Variants in GON4L observed in about 807,000 individuals in gnomAD.
GON4L encodes the protein gon-4 like.
A neutral mutation model predicts 211.8 loss-of-function variants in GON4L; 87 were observed. That is an observed-to-expected ratio of 0.41 (90% CI 0.35 to 0.49). The LOEUF (loss-of-function observed/expected upper bound fraction) is 0.49. Among genes scored for constraint, GON4L ranks in the 20% least tolerant of loss-of-function variants. GON4L has a pLI of 0.15. For synonymous variants in GON4L, 875 were observed against 962.6 expected, an observed-to-expected ratio of 0.91 and a Z score of 1.68; for missense variants, 2,155 against 2,659.5, an observed-to-expected ratio of 0.81 and a Z score of 4.17.
intron 19 of GON4L, among the ~76,000 whole-genome samples, chr1:155,770,780 C>T (rs1292187280): frequency 6.6e-6 from 1 of 152,130 alleles, no homozygotes; most frequent in Non-Finnish European, 1.5e-5. Context: ...AGGAGAATCG[C>T]TTGAACCTGG....
chr1:155,821,406 C>T (rs1571860094), intron 5 of GON4L, 68 bp downstream of exon 5: 1 of 967,450 alleles, frequency 1.0e-6, no homozygotes, highest in Non-Finnish European at 1.7e-6. Flanking sequence ...TAAGTGACCT[C>T]CTACCCTTAG....
At chr1:155,851,269 G>A (rs1054105453) in intron 2 of GON4L, among the ~76,000 whole-genome samples, 2 of 149,644 alleles carry the variant, frequency 1.3e-5, no homozygotes, top group African/African-American at 4.9e-5. Context: ...CAGGAGAATG[G>A]CATGAACCCA....
rs774328150 is a variant in GON4L, at chr1:155,753,054, C to CA, written c.5842+149dup. The CA allele has an allele frequency of 1.8e-4, 113 of 642,642 alleles. No homozygotes were observed. In the Middle Eastern group the frequency reaches 8.9e-3, roughly 50 times the overall value. The allele number at this position is 642,642 out of a possible 1,614,324, so 39.8% of individuals were successfully genotyped here. On this transcript the variant is annotated intron_variant, in intron 29 of 31. Coordinates refer to ENST00000368331, the MANE Select transcript of GON4L (RefSeq NM_001282860.2). ...GGCCATATGATAGAAAAAGCCTGAA[C>CA]AGCAGAAGGGCTTCCTATGGGTCCA...
intron 23 of GON4L, 140 bp from the exon 24 acceptor site, chr1:155,760,781 C>T (rs1390777205): frequency 1.6e-6 from 1 of 619,704 alleles, no homozygotes; most frequent in Non-Finnish European, 2.9e-6. Flanking sequence ...CAGATCTTAA[C>T]ATCTGACTGT....
intron 18 of GON4L, among the ~76,000 whole-genome samples, chr1:155,771,446 C>A (rs1414219913): frequency 6.6e-6 from 1 of 152,022 alleles, no homozygotes; most frequent in Non-Finnish European, 1.5e-5. Context: ...GGATTACAGG[C>A]ATGAGCCATG....
intron 2 of GON4L, among the ~76,000 whole-genome samples, chr1:155,852,431 G>T (rs1437287168): frequency 6.6e-6 from 1 of 152,058 alleles, no homozygotes; most frequent in African/African-American, 2.4e-5. Flanking sequence ...CCAAATAAAG[G>T]ATGAGAGAAT....
chr1:155,853,466 T>C lies in GON4L; in HGVS notation c.315A>G (p.Leu105=), dbSNP rs988502355. ...VDVAISQGIT[L]PSLESFHPLN... ...GGGGGTGAAAAGACTCCAAGGAAGG[T>C]AGGGTGATTCCCTGAGAGATGGCCA... is the stretch of plus-strand genomic sequence containing the variant. The change falls in exon 2 of 32, where the codon CTA becomes CTG. Residue 105 remains leucine (L), a synonymous_variant. Coordinates refer to ENST00000368331, the MANE Select transcript of GON4L (RefSeq NM_001282860.2). The C allele has an allele frequency of 2.5e-6, 4 of 1,613,850 alleles. No individual in the cohort carries two copies. In the Admixed American group the frequency reaches 5.0e-5, roughly 20 times the overall value.
rs1319056630 is a variant in GON4L, at chr1:155,849,171, A to G, written c.505+4105T>C. Among the ~76,000 whole-genome samples, 657 of 116,788 alleles carry G rather than the reference A, an allele frequency of 5.6e-3. 4 individuals carry two copies. The highest frequency in any genetic ancestry group is 8.8e-3 in the African/African-American group (281 of 31,958). The allele number at this position is 116,788 out of a possible 152,430, so 76.6% of individuals were successfully genotyped here. A position where few individuals can be genotyped will look rare whatever the true frequency, so the allele number is the denominator to read the frequency against. The stretch of plus-strand genomic sequence containing the variant: ...AAAAAAAAAAAAAAAAAAAAAAAAA[A>G]GGGGCTGGGCACTGTGGCTCACGCC... On this transcript the variant is annotated intron_variant, in intron 2 of 31. Coordinates refer to ENST00000368331, the MANE Select transcript of GON4L (RefSeq NM_001282860.2).
chr1:155,769,381 A>G (rs907616461), intron 19 of GON4L, among the ~76,000 whole-genome samples: 19 of 152,206 alleles, frequency 1.2e-4, no homozygotes, highest in Non-Finnish European at 2.6e-4. Flanking sequence ...AATTCAGGAA[A>G]TAAGAAGATC....
intron 5 of GON4L, 39 bp from the exon 6 acceptor site, chr1:155,820,695 A>T (rs754208147): frequency 1.0e-5 from 15 of 1,485,726 alleles, no homozygotes; most frequent in Non-Finnish European, 1.4e-5. Flanking sequence ...CTCAATAAAA[A>T]TCACAGCTCA....
At chr1:155,849,773 CAAAAAAAAAAA>C (rs11330008) in intron 2 of GON4L, among the ~76,000 whole-genome samples, 1 of 77,354 alleles carries the variant, frequency 1.3e-5, no homozygotes, top group African/African-American at 4.8e-5. Flanking sequence ...GACTCCGTCT[CAAAAAAAAAAA>C]AAAAAAAAAA....
chr1:155,749,322 G>A (rs2101585084), downstream of GON4L: 1 of 1,611,904 alleles, frequency 6.2e-7, no homozygotes, highest in East Asian at 2.2e-5. Context: ...GCTTTGTTAT[G>A]GCAGCCAGCT....
At chr1:155,800,982 T>A (rs1233070316) in intron 11 of GON4L, among the ~76,000 whole-genome samples, 7 of 151,468 alleles carry the variant, frequency 4.6e-5, no homozygotes, top group Non-Finnish European at 1.0e-4. Flanking sequence ...AGCAAGACAA[T>A]GAATTTCTCT....
intron 3 of GON4L, 76 bp from the exon 4 acceptor site, chr1:155,822,552 A>T (rs1013930883): frequency 8.7e-6 from 9 of 1,034,454 alleles, no homozygotes; most frequent in Non-Finnish European, 3.0e-6. Context: ...GCCAACAGTA[A>T]AGTGGATAAA....
At chr1:155,778,833 C>T (rs1402426244) in intron 14 of GON4L, among the ~76,000 whole-genome samples, 1 of 152,168 alleles carries the variant, frequency 6.6e-6, no homozygotes, top group African/African-American at 2.4e-5. Context: ...CGTTAGCTTG[C>T]TGATGGCTTC....
intron 11 of GON4L, among the ~76,000 whole-genome samples, chr1:155,800,850 G>GAAAAAA (rs751271183): frequency 2.0e-5 from 1 of 49,010 alleles, no homozygotes; most frequent in Non-Finnish European, 4.5e-5. Flanking sequence ...CTCTGTCTCA[G>GAAAAAA]AAAAAAAAAA....
intron 10 of GON4L, among the ~76,000 whole-genome samples, chr1:155,808,343 T>C (rs1667357032): frequency 6.6e-6 from 1 of 152,092 alleles, no homozygotes; most frequent in Non-Finnish European, 1.5e-5. Flanking sequence ...TGGGCATCTG[T>C]TCTAATGTTT....
downstream of GON4L, chr1:155,749,313 C>G: frequency 6.2e-7 from 1 of 1,612,690 alleles, no homozygotes; most frequent in Non-Finnish European, 8.5e-7. Context: ...GTGGTTTTGG[C>G]TTTGTTATGG....
chr1:155,801,099 T>C (rs1453382193), intron 11 of GON4L, among the ~76,000 whole-genome samples: 1 of 119,448 alleles, frequency 8.4e-6, no homozygotes, highest in East Asian at 2.3e-4. Context: ...TCACAATAAA[T>C]CTTGCTGCTG....
Sources: allele counts gnomAD v4.1 joint callset (sites outside exome capture counted in the v4.1 genomes callset), GRCh38; gene constraint gnomAD v4.1.1; transcripts MANE v1.5; gene names NCBI Gene and HGNC (gene_info 2026-07-23, HGNC 2026-07-21).